RAB9B: variants seen among roughly 807,000 people sequenced by gnomAD.
RAB9B encodes the protein RAB9B, member RAS oncogene family.
Under a neutral mutation model 8.9 loss-of-function variants are expected in RAB9B, and 1 was observed. The observed-to-expected ratio is 0.11, with a 90% CI of 0.04 to 0.53. The LOEUF (loss-of-function observed/expected upper bound fraction) is 0.53, where lower values mean the gene tolerates loss of function less well. Among genes scored for constraint, RAB9B ranks in the 20% least tolerant of loss-of-function variants. The pLI is 0.93. For missense variants in RAB9B, 82 were observed against 152.9 expected, an observed-to-expected ratio of 0.54 and a Z score of 2.45; for synonymous variants, 63 against 57.0, an observed-to-expected ratio of 1.10 and a Z score of -0.47.
At chrX:103,781,869 T>A in the RAB9B span, among the ~76,000 whole-genome samples, 1 of 111,994 alleles carries the variant, frequency 8.9e-6, no homozygotes, top group African/African-American at 3.2e-5. Flanking sequence ...GCCAAGGAAC[T>A]TCTCCCCTAG....
the RAB9B span, chrX:103,781,343 C>T: frequency 3.1e-5 from 10 of 317,569 alleles, no homozygotes; most frequent in East Asian, 2.0e-4. Context: ...TCTGTCAGAC[C>T]GCTGTGAAGA....
the RAB9B span, chrX:103,788,542 G>A: frequency 1.9e-6 from 2 of 1,028,245 alleles, no homozygotes; most frequent in Non-Finnish European, 2.7e-6. Context: ...TTTTACAAGG[G>A]AGTAGCTAAT....
At chrX:103,779,781 A>G in the RAB9B span, 3 of 111,855 alleles carry the variant, frequency 2.7e-5, no homozygotes, top group Non-Finnish European at 5.6e-5. Context: ...TAGTCTCCAA[A>G]CCCATTAAGG....
the RAB9B span, among the ~76,000 whole-genome samples, chrX:103,783,769 T>C: frequency 8.9e-6 from 1 of 111,785 alleles, no homozygotes; most frequent in African/African-American, 3.2e-5. Context: ...CTTGGAGAAA[T>C]GCTTGAATAC....
chrX:103,821,015 A>C (rs1293207381), downstream of RAB9B, among the ~76,000 whole-genome samples: 6 of 87,830 alleles, frequency 6.8e-5, no homozygotes, highest in Admixed American at 3.9e-4. Flanking sequence ...CACACACACA[A>C]AGTTAGCTGG....
At chrX:103,790,102 C>T in the RAB9B span, among the ~76,000 whole-genome samples, 1 of 112,364 alleles carries the variant, frequency 8.9e-6, no homozygotes. Flanking sequence ...AGTAATTTCT[C>T]ACCTTGTAAA....
downstream of RAB9B, among the ~76,000 whole-genome samples, chrX:103,820,975 CACACACAT>C (rs754462166): frequency 0.25 from 11,308 of 45,542 alleles, 949 homozygotes; most frequent in African/African-American, 0.38. Flanking sequence ...CACACACACA[CACACACAT>C]ACACACACAC....
At chrX:103,829,428 G>A (rs760396873) in intron 1 of RAB9B, among the ~76,000 whole-genome samples, 2 of 112,293 alleles carry the variant, frequency 1.8e-5, no homozygotes, top group African/African-American at 3.2e-5. Flanking sequence ...AAGTAAAAAT[G>A]AATACAGTTT....
chrX:103,829,124 C>T (rs770335274), intron 1 of RAB9B, among the ~76,000 whole-genome samples: 2 of 111,892 alleles, frequency 1.8e-5, no homozygotes, highest in Non-Finnish European at 3.8e-5. Context: ...CTTTCATGCA[C>T]TGGTGGGGGC....
At chrX:103,785,807 T>C in the RAB9B span, 2 of 1,097,000 alleles carry the variant, frequency 1.8e-6, no homozygotes, top group Middle Eastern at 2.4e-4. Context: ...ATCTTTTTTT[T>C]CCCTCTCTCC....
chrX:103,806,023 C>T, the RAB9B span, among the ~76,000 whole-genome samples: 3 of 111,388 alleles, frequency 2.7e-5, no homozygotes, highest in African/African-American at 9.8e-5. Context: ...TCACTGAAAC[C>T]TTGAACTTCT....
downstream of RAB9B, among the ~76,000 whole-genome samples, chrX:103,821,352 CAAA>C (rs72322529): frequency 0.023 from 2,065 of 90,884 alleles, 42 homozygotes; most frequent in African/African-American, 0.075. Flanking sequence ...GTACATGTGG[CAAA>C]AAAAAAAAAA....
chrX:103,795,140 T>C, the RAB9B span, among the ~76,000 whole-genome samples: 2 of 110,361 alleles, frequency 1.8e-5, no homozygotes, highest in Non-Finnish European at 3.8e-5. Context: ...CAGAAAGGGG[T>C]AGGCAGGGAG....
chrX:103,813,905 C>T, the RAB9B span, among the ~76,000 whole-genome samples: 1 of 110,342 alleles, frequency 9.1e-6, no homozygotes, highest in South Asian at 3.9e-4. Context: ...AATATATATG[C>T]ACCCAATACA....
chrX:103,797,214 A>G, the RAB9B span, among the ~76,000 whole-genome samples: 3 of 87,701 alleles, frequency 3.4e-5, no homozygotes, highest in Non-Finnish European at 6.7e-5. Context: ...CAGCCTCCAG[A>G]GTAGCTGGGA....
chrX:103,793,876 A>AT, the RAB9B span, among the ~76,000 whole-genome samples: 2 of 111,969 alleles, frequency 1.8e-5, no homozygotes, highest in East Asian at 5.6e-4. Context: ...AACAAGAAAC[A>AT]TTTTCTTACA....
chrX:103,820,469 C>G (rs916959416), downstream of RAB9B, among the ~76,000 whole-genome samples: 6 of 111,777 alleles, frequency 5.4e-5, no homozygotes, highest in African/African-American at 2.0e-4. Flanking sequence ...TGTTTTAAAA[C>G]TACAGTTACA....
the RAB9B span, chrX:103,788,077 A>G: frequency 4.9e-6 from 3 of 615,042 alleles, no homozygotes; most frequent in South Asian, 7.0e-5. Context: ...ATATAAGATG[A>G]TGAATGATTG....
the RAB9B span, chrX:103,788,634 T>C: frequency 8.1e-6 from 5 of 614,442 alleles, no homozygotes; most frequent in Non-Finnish European, 1.4e-5. Flanking sequence ...CCGATTGCCT[T>C]CTACAACATG....
Sources: gnomAD v4.1 joint callset for allele counts (sites outside exome capture counted in the v4.1 genomes callset) on GRCh38, gnomAD v4.1.1 for gene constraint, MANE v1.5 for transcripts, NCBI Gene and HGNC (gene_info 2026-07-23, HGNC 2026-07-21) for gene names.